The following CEP112 variants were observed in gnomAD, a reference collection of about 807,000 sequenced individuals.
The protein encoded by CEP112 is centrosomal protein of 112 kDa.
A neutral mutation model predicts 153.0 loss-of-function variants in CEP112; 127 were observed. The ratio of observed to expected loss-of-function variants is 0.83; its 90% CI spans 0.72 to 0.96. CEP112 has a LOEUF of 0.96. Among genes scored for constraint, CEP112 ranks in the 40% least tolerant of loss-of-function variants. The pLI, the probability that CEP112 is intolerant of heterozygous loss-of-function variation, is 0.00. For synonymous variants in CEP112, 358 were observed against 374.4 expected (o/e 0.96, Z 0.51); for missense variants, 1,089 against 1,101.2 (o/e 0.99, Z 0.16).
chr17:66,124,495 C>T (rs989103521), intron 6 of CEP112, among the ~76,000 whole-genome samples: 1 of 152,046 alleles, frequency 6.6e-6, no homozygotes, highest in Non-Finnish European at 1.5e-5. Flanking sequence ...AACAGATGGG[C>T]GCTAACTGCT....
At position 66,069,954 on chromosome 17, in the gene CEP112, C is replaced by T. The variant is rs1255054558; in HGVS notation, c.816G>A (p.Lys272=). The part of the protein sequence containing the change: ...KMMEAKFHEE[K]LKLQQKHDAD... The stretch of plus-strand genomic sequence containing the variant: ...CATCATGTTTCTGTTGCAGTTTAAG[C>T]TTTTCTTCATGAAATTTAGCTTCCA... Residue 272 remains lysine, a synonymous_variant, in exon 9 of 27, where the codon AAG becomes AAA. Transcript: ENST00000535342. The T allele has an allele frequency of 6.2e-7, 1 of 1,607,402 alleles. No individual in the cohort carries two copies. The highest frequency in any genetic ancestry group is 1.1e-5 in the South Asian group (1 of 90,052).
intron 21 of CEP112, among the ~76,000 whole-genome samples, chr17:65,833,790 A>G (rs9889350): frequency 0.98 from 149,639 of 152,306 alleles, 73,564 homozygotes; most frequent in Middle Eastern, 1. Flanking sequence ...GCAATTTATA[A>G]ATTCAATGCT....
chr17:65,838,483 C>T (rs1395580766), intron 21 of CEP112, among the ~76,000 whole-genome samples: 6 of 151,904 alleles, frequency 3.9e-5, no homozygotes, highest in Non-Finnish European at 8.8e-5. Flanking sequence ...ACATTAAAAC[C>T]TATGAGATAC....
chr17:65,747,798 C>T (rs192226355), intron 22 of CEP112, among the ~76,000 whole-genome samples: 3 of 152,240 alleles, frequency 2.0e-5, no homozygotes, highest in East Asian at 1.9e-4. Context: ...TCAGTGTACA[C>T]GGTCTATTAG....
chr17:65,841,643 AG>A (rs1393048964), intron 21 of CEP112, among the ~76,000 whole-genome samples: 2 of 152,104 alleles, frequency 1.3e-5, no homozygotes, highest in African/African-American at 4.8e-5. Flanking sequence ...CTAGAAAAAA[AG>A]ATTTGAAATC....
chr17:65,970,453 CATG>C (rs2062673150), intron 17 of CEP112, among the ~76,000 whole-genome samples: 2 of 87,032 alleles, frequency 2.3e-5, no homozygotes, highest in Non-Finnish European at 4.9e-5. Context: ...ATGTATATTA[CATG>C]CATGCACACA....
chr17:65,642,292 G>A (rs991865136), intron 24 of CEP112, among the ~76,000 whole-genome samples: 1 of 152,134 alleles, frequency 6.6e-6, no homozygotes, highest in Non-Finnish European at 1.5e-5. Flanking sequence ...TTCATCATAC[G>A]CACCTGGAAA....
chr17:65,849,692 A>C (rs923411530), intron 21 of CEP112, among the ~76,000 whole-genome samples: 3 of 152,198 alleles, frequency 2.0e-5, no homozygotes, highest in African/African-American at 7.2e-5. Flanking sequence ...TATCTGTGCT[A>C]TTTAAGAACA....
chr17:65,717,815 G>A (rs1034120791), intron 23 of CEP112, among the ~76,000 whole-genome samples: 2 of 152,160 alleles, frequency 1.3e-5, no homozygotes, highest in Non-Finnish European at 2.9e-5. Context: ...ATGTTTAAAA[G>A]GGTCCCTGAC....
intron 23 of CEP112, among the ~76,000 whole-genome samples, chr17:65,709,910 C>T (rs1225582038): frequency 6.6e-6 from 1 of 152,212 alleles, no homozygotes; most frequent in Admixed American, 6.5e-5. Flanking sequence ...AGATCCTCTG[C>T]TGAAAAATCA....
At chr17:65,729,672 A>T (rs979873994) in intron 23 of CEP112, among the ~76,000 whole-genome samples, 1 of 152,186 alleles carries the variant, frequency 6.6e-6, no homozygotes, top group Admixed American at 6.5e-5. Context: ...TACTAACCAA[A>T]GTACTTCATT....
At chr17:66,108,087 G>T (rs1464728974) in intron 6 of CEP112, among the ~76,000 whole-genome samples, 1 of 152,104 alleles carries the variant, frequency 6.6e-6, no homozygotes, top group African/African-American at 2.4e-5. Context: ...GGGAAAGCTG[G>T]ATATCCACAT....
chr17:66,138,398 A>G (rs1055793957), intron 4 of CEP112, among the ~76,000 whole-genome samples: 1 of 152,212 alleles, frequency 6.6e-6, no homozygotes, highest in African/African-American at 2.4e-5. Context: ...GAACTCAAAT[A>G]AGACAAACGT....
At chr17:66,071,990 C>CT (rs975904757) in intron 8 of CEP112, among the ~76,000 whole-genome samples, 13 of 152,098 alleles carry the variant, frequency 8.5e-5, no homozygotes, top group African/African-American at 3.1e-4. Flanking sequence ...CTGGTTATAA[C>CT]TTTTTGCCTT....
chr17:65,949,725 G>A (rs1421119247), intron 18 of CEP112, among the ~76,000 whole-genome samples: 1 of 152,116 alleles, frequency 6.6e-6, no homozygotes, highest in Non-Finnish European at 1.5e-5. Context: ...GATGATATGA[G>A]GAGTGGACCA....
chr17:65,813,480 C>T (rs1006842150), intron 21 of CEP112, among the ~76,000 whole-genome samples: 2 of 152,154 alleles, frequency 1.3e-5, no homozygotes, highest in Non-Finnish European at 2.9e-5. Context: ...TCATAGTGAC[C>T]TATCTGAGCC....
chr17:66,087,038 A>G (rs2067967053), intron 8 of CEP112, among the ~76,000 whole-genome samples: 1 of 152,224 alleles, frequency 6.6e-6, no homozygotes, highest in African/African-American at 2.4e-5. Flanking sequence ...ACAAAGGATT[A>G]TTTTAGAAAA....
intron 14 of CEP112, 65 bp downstream of exon 14, chr17:66,029,058 T>C (rs2065346078): frequency 8.3e-7 from 1 of 1,207,692 alleles, no homozygotes; most frequent in Non-Finnish European, 1.1e-6. Context: ...TCTACTTGGC[T>C]ATCTATGGCT....
At chr17:65,840,367 C>T (rs1459526451) in intron 21 of CEP112, among the ~76,000 whole-genome samples, 1 of 152,018 alleles carries the variant, frequency 6.6e-6, no homozygotes, top group African/African-American at 2.4e-5. Flanking sequence ...ACAGCTAACT[C>T]ATTTTTGACA....
Sources: gnomAD v4.1 joint callset for allele counts (sites outside exome capture counted in the v4.1 genomes callset) on GRCh38, gnomAD v4.1.1 for gene constraint, MANE v1.5 for transcripts, NCBI Gene and HGNC (gene_info 2026-07-23, HGNC 2026-07-21) for gene names.